The following GLDN variants were observed in gnomAD, a reference collection of about 807,000 sequenced individuals.
GLDN encodes the protein gliomedin, also known as collomin.
Under a neutral mutation model 56.5 loss-of-function variants are expected in GLDN, and 47 were observed. The ratio of observed to expected loss-of-function variants is 0.83; its 90% CI spans 0.66 to 1.06. The LOEUF (loss-of-function observed/expected upper bound fraction) is 1.06, where lower values mean the gene tolerates loss of function less well. Ranked by LOEUF, GLDN falls within the 50% of genes least tolerant of loss-of-function variation. The pLI is 0.00. For missense variants in GLDN, 782 were observed against 714.3 expected (o/e 1.09, Z -1.08); for synonymous variants, 332 against 278.8 (o/e 1.19, Z -1.90).
chr15:51,378,493 T>C (rs1171680079), intron 2 of GLDN, among the ~76,000 whole-genome samples: 4 of 152,192 alleles, frequency 2.6e-5, no homozygotes, highest in African/African-American at 9.7e-5. Flanking sequence ...CACAAAAGCC[T>C]GTTGAGAGGC....
At chr15:51,379,568 A>G (rs185620405) in intron 2 of GLDN, among the ~76,000 whole-genome samples, 23 of 152,302 alleles carry the variant, frequency 1.5e-4, no homozygotes, top group Non-Finnish European at 2.9e-4. Flanking sequence ...GAAAGCCAGC[A>G]CTAATTGACT....
Position 51,342,067 on chromosome 15 carries a change from C to T in GLDN, c.363+20C>T, listed in dbSNP as rs778828568. On this transcript the variant is annotated intron_variant, in intron 1 of 9. Coordinates refer to ENST00000335449, the MANE Select transcript of GLDN (RefSeq NM_181789.4). ...GTGCCGGTAGGCGGGGTCTCTGTTC[C>T]CCGTGGCGCCCCGGCCAGGTGGGCG... 9.4e-6 allele frequency: 15 copies of T among 1,588,980 alleles called. No individual in the cohort carries two copies. The highest frequency in any genetic ancestry group is 1.3e-5 in the Non-Finnish European group (15 of 1,176,144).
At chr15:51,391,479 C>T (rs1259627091) in intron 4 of GLDN, among the ~76,000 whole-genome samples, 1 of 152,226 alleles carries the variant, frequency 6.6e-6, no homozygotes, top group Admixed American at 6.5e-5. Flanking sequence ...GTGTCAGTTA[C>T]ACTTGGTGCA....
intron 4 of GLDN, among the ~76,000 whole-genome samples, chr15:51,386,409 T>C (rs892480373): frequency 2.6e-5 from 4 of 152,132 alleles, no homozygotes; most frequent in African/African-American, 9.7e-5. Context: ...GAGGCTGCAC[T>C]TTCCCTCCTC....
At chr15:51,366,202 G>A (rs928745936) in intron 1 of GLDN, among the ~76,000 whole-genome samples, 1 of 152,174 alleles carries the variant, frequency 6.6e-6, no homozygotes, top group Non-Finnish European at 1.5e-5. Context: ...AGCCATATTG[G>A]GAGAACACGG....
At position 51,405,170 on chromosome 15, in the gene GLDN, G is replaced by C; in HGVS notation, c.*416G>C. On this transcript the variant is annotated 3_prime_UTR_variant, in exon 10 of 10. Coordinates refer to ENST00000335449, the MANE Select transcript of GLDN (RefSeq NM_181789.4). ...TACCTTTGAGTTGATAAGTCCAGTG[G>C]CTTGAGTAGTGAATCCCTCAGTGCT... The C allele has an allele frequency of 5.3e-6, 1 of 189,186 alleles. No homozygotes were observed. Among genetic ancestry groups the C allele is most frequent in the East Asian group, 1.4e-4 (1 of 6,920 alleles). The allele number at this position is 189,186 out of a possible 1,614,324, so 11.7% of individuals were successfully genotyped here.
intron 1 of GLDN, among the ~76,000 whole-genome samples, chr15:51,345,270 G>A (rs2036957637): frequency 6.6e-6 from 1 of 152,198 alleles, no homozygotes; most frequent in Non-Finnish European, 1.5e-5. Context: ...AGCACCCAGA[G>A]GGAGTTTCAT....
chr15:51,407,630 A>G lies in GLDN; in HGVS notation c.*2876A>G, dbSNP rs901262389. On this transcript the variant is annotated 3_prime_UTR_variant, in exon 10 of 10. Coordinates refer to ENST00000335449, the MANE Select transcript of GLDN (RefSeq NM_181789.4). ...GCCAAGTAGGTGGTTCTGGTCTCCAAGTATCGTTAAGCACAGGTGCTATGA... is the reference window on the plus strand; with the variant it reads ...GCCAAGTAGGTGGTTCTGGTCTCCAGGTATCGTTAAGCACAGGTGCTATGA... 4 of 152,222 alleles carry G rather than the reference A, an allele frequency of 2.6e-5. No individual in the cohort carries two copies. The highest frequency in any genetic ancestry group is 9.6e-5 in the African/African-American group (4 of 41,462). The allele number at this position is 152,222 out of a possible 1,614,324, so 9.4% of individuals were successfully genotyped here.
At chr15:51,370,755 G>A (rs1206084823) in intron 1 of GLDN, among the ~76,000 whole-genome samples, 1 of 152,142 alleles carries the variant, frequency 6.6e-6, no homozygotes, top group African/African-American at 2.4e-5. Context: ...ACTTTGGGAG[G>A]CTGAGGTGGG....
chr15:51,343,550 T>G (rs1280718354), intron 1 of GLDN, among the ~76,000 whole-genome samples: 1 of 152,216 alleles, frequency 6.6e-6, no homozygotes, highest in African/African-American at 2.4e-5. Context: ...ATGGAGACAC[T>G]CATCTCTGTG....
At position 51,405,524 on chromosome 15, in the gene GLDN, T is replaced by A. The variant is rs1360922457; in HGVS notation, c.*770T>A. ...GCCTTGGCCTCCCAAAATGCTGGATTACAGGCATGTGTGCCTGGCCCAGGT... is the reference window on the plus strand; with the variant it reads ...GCCTTGGCCTCCCAAAATGCTGGATAACAGGCATGTGTGCCTGGCCCAGGT... On this transcript the variant is annotated 3_prime_UTR_variant, in exon 10 of 10. Transcript: ENST00000335449. 1 of 152,126 alleles carries A rather than the reference T, an allele frequency of 6.6e-6. No homozygotes were observed. The highest frequency in any genetic ancestry group is 2.4e-5 in the African/African-American group (1 of 41,426). The allele number at this position is 152,126 out of a possible 1,614,324, so 9.4% of individuals were successfully genotyped here. A position where few individuals can be genotyped will look rare whatever the true frequency, so the allele number is the denominator to read the frequency against.
At chr15:51,379,901 C>G (rs180895100) in intron 2 of GLDN, among the ~76,000 whole-genome samples, 1 of 152,322 alleles carries the variant, frequency 6.6e-6, no homozygotes, top group African/African-American at 2.4e-5. Flanking sequence ...GAGTTTTTAT[C>G]TGCTACCTAA....
intron 4 of GLDN, among the ~76,000 whole-genome samples, chr15:51,392,629 T>C (rs767919207): frequency 7.6e-5 from 11 of 144,260 alleles, no homozygotes; most frequent in Non-Finnish European, 1.7e-4. Context: ...TCCACAAAAC[T>C]AGTCCCTGGT....
At chr15:51,389,018 C>T (rs554050290) in intron 4 of GLDN, among the ~76,000 whole-genome samples, 2 of 152,302 alleles carry the variant, frequency 1.3e-5, no homozygotes, top group South Asian at 4.1e-4. Flanking sequence ...TGATTTTTGT[C>T]CCTCTCATTC....
At chr15:51,371,054 T>C (rs1363926336) in intron 1 of GLDN, among the ~76,000 whole-genome samples, 2 of 152,002 alleles carry the variant, frequency 1.3e-5, no homozygotes, top group South Asian at 4.2e-4. Flanking sequence ...TCTCAGTCTC[T>C]AGGGGGAAGA....
intron 1 of GLDN, among the ~76,000 whole-genome samples, chr15:51,374,182 C>CAG (rs1229811780): frequency 3.3e-5 from 5 of 152,176 alleles, no homozygotes; most frequent in Admixed American, 6.5e-5. Flanking sequence ...GCACCTGCCC[C>CAG]AGATCAGTGA....
Position 51,341,711 on chromosome 15 carries a change from T to C in GLDN, c.27T>C (p.Arg9=). ...TGGCCCGAGGCGCTGAGGGAGGCCG[T>C]GGGGACGCGGGTTGGGGCCTGCGTG... is the stretch of plus-strand genomic sequence containing the variant. MARGAEGG[R]GDAGWGLRGA... Residue 9 remains arginine, a synonymous_variant, in exon 1 of 10, where the codon CGT becomes CGC. Coordinates refer to ENST00000335449, the MANE Select transcript of GLDN (RefSeq NM_181789.4). 1 of 1,430,356 alleles carries C rather than the reference T, an allele frequency of 7.0e-7. No homozygotes were observed. The highest frequency in any genetic ancestry group is 2.9e-5 in the East Asian group (1 of 34,964). 88.6% of individuals were successfully genotyped at this position (1,430,356 alleles called of 1,614,324 possible).
At chr15:51,355,923 C>G (rs1204394973) in intron 1 of GLDN, among the ~76,000 whole-genome samples, 4 of 150,916 alleles carry the variant, frequency 2.7e-5, no homozygotes, top group Non-Finnish European at 5.9e-5. Flanking sequence ...AATACCTAAC[C>G]TCAGCCGGGT....
Position 51,407,894 on chromosome 15 carries a change from G to A in GLDN, c.*3140G>A, listed in dbSNP as rs2038419331. 6.6e-6 allele frequency: 1 copy of A among 152,160 alleles called. No homozygotes were observed. The highest frequency in any genetic ancestry group is 2.1e-4 in the South Asian group (1 of 4,824). The allele number at this position is 152,160 out of a possible 1,614,324, so 9.4% of individuals were successfully genotyped here. A position where few individuals can be genotyped will look rare whatever the true frequency, so the allele number is the denominator to read the frequency against. On this transcript the variant is annotated 3_prime_UTR_variant, in exon 10 of 10. Transcript: ENST00000335449. ...GGCCCTGTGTTTCACAGCATTAAGA[G>A]CCATAATTTCCAACCTGCACAGATC...
Sources: gnomAD v4.1 joint callset for allele counts (sites outside exome capture counted in the v4.1 genomes callset) on GRCh38, gnomAD v4.1.1 for gene constraint, MANE v1.5 for transcripts, NCBI Gene and HGNC (gene_info 2026-07-23, HGNC 2026-07-21) for gene names.